The following RAD51B variants were observed in gnomAD, a reference collection of about 807,000 sequenced individuals.
The protein encoded by RAD51B is DNA repair protein RAD51 homolog 2.
In RAD51B, 38 loss-of-function variants were observed where a neutral mutation model predicts 42.2. The observed-to-expected ratio is 0.90, with a 90% CI of 0.70 to 1.18. The LOEUF is 1.18. Among genes scored for constraint, RAD51B ranks in the 50% most tolerant of loss-of-function variants. The pLI is 0.00. For missense variants in RAD51B, 373 were observed against 400.7 expected (o/e 0.93, Z 0.59); for synonymous variants, 154 against 145.2 (o/e 1.06, Z -0.43).
intron 7 of RAD51B, among the ~76,000 whole-genome samples, chr14:68,200,925 G>T (rs1045133100): frequency 2.0e-5 from 3 of 152,082 alleles, no homozygotes; most frequent in African/African-American, 7.2e-5. Flanking sequence ...CCCAAAGTGG[G>T]ATTACAGGTG....
At chr14:67,987,958 T>C (rs1394624728) in intron 7 of RAD51B, among the ~76,000 whole-genome samples, 1 of 152,218 alleles carries the variant, frequency 6.6e-6, no homozygotes, top group Admixed American at 6.5e-5. Context: ...TTCTTGGTTC[T>C]TTCTTTTTGA....
At chr14:68,558,513 C>T (rs1267103584) in intron 10 of RAD51B, among the ~76,000 whole-genome samples, 1 of 152,172 alleles carries the variant, frequency 6.6e-6, no homozygotes, top group Non-Finnish European at 1.5e-5. Flanking sequence ...GGGGAAGGGT[C>T]CTTCCTTGCC....
chr14:67,842,174 G>T (rs559820862), intron 4 of RAD51B, among the ~76,000 whole-genome samples: 2 of 152,138 alleles, frequency 1.3e-5, no homozygotes, highest in East Asian at 3.9e-4. Flanking sequence ...TTGTATTCTT[G>T]ACTTGGCTCT....
At chr14:68,578,068 A>C (rs1890042739) in intron 10 of RAD51B, among the ~76,000 whole-genome samples, 1 of 152,288 alleles carries the variant, frequency 6.6e-6, no homozygotes, top group East Asian at 1.9e-4. Flanking sequence ...CCTATGCAAC[A>C]CTATGTGGCA....
At chr14:68,512,850 C>T (rs1374590030) in intron 10 of RAD51B, among the ~76,000 whole-genome samples, 1 of 151,972 alleles carries the variant, frequency 6.6e-6, no homozygotes. Flanking sequence ...ATTTTACACA[C>T]AGTGGGGTCA....
chr14:68,066,334 T>A (rs2076649743), intron 7 of RAD51B, among the ~76,000 whole-genome samples: 1 of 152,184 alleles, frequency 6.6e-6, no homozygotes, highest in Admixed American at 6.5e-5. Context: ...AAAAAGATTC[T>A]GATTTAGTTT....
At position 67,829,392 on chromosome 14, in the gene RAD51B, A is replaced by T. The variant is rs553210012; in HGVS notation, c.198+3815A>T. Among the ~76,000 whole-genome samples, 3 of 151,534 alleles carry T rather than the reference A, an allele frequency of 2.0e-5. No individual in the cohort carries two copies. The East Asian group carries it at 5.8e-4, about 29-fold the overall frequency. On this transcript the variant is annotated intron_variant, in intron 3 of 10. Coordinates refer to ENST00000471583, the MANE Select transcript of RAD51B (RefSeq NM_133510.4). ...CAAGTAGCTGGGACTACAGATGCCCACCTCCACGCCTGGCTAAGTTTTTGT... is the reference window on the plus strand; with the variant it reads ...CAAGTAGCTGGGACTACAGATGCCCTCCTCCACGCCTGGCTAAGTTTTTGT...
At chr14:68,391,134 T>TTTTTCTTTC (rs1388376049) in intron 8 of RAD51B, among the ~76,000 whole-genome samples, 4 of 109,146 alleles carry the variant, frequency 3.7e-5, no homozygotes, top group Admixed American at 9.1e-5. Flanking sequence ...TTTATGAGAC[T>TTTTTCTTTC]TGTCTTTCTT....
At chr14:68,110,187 G>A (rs1214110161) in intron 7 of RAD51B, among the ~76,000 whole-genome samples, 4 of 151,978 alleles carry the variant, frequency 2.6e-5, no homozygotes, top group African/African-American at 9.7e-5. Context: ...ACAGCTGTCT[G>A]CAAGGGACAG....
At chr14:68,625,812 A>G (rs935425273) in intron 10 of RAD51B, among the ~76,000 whole-genome samples, 1 of 152,040 alleles carries the variant, frequency 6.6e-6, no homozygotes, top group Non-Finnish European at 1.5e-5. Context: ...TCTCATCCAC[A>G]CAGTTTTAGC....
At chr14:68,244,312 G>A (rs2080450394) in intron 7 of RAD51B, among the ~76,000 whole-genome samples, 2 of 152,164 alleles carry the variant, frequency 1.3e-5, no homozygotes. Flanking sequence ...GCTTTTTCCT[G>A]TATTTGGGAG....
intron 7 of RAD51B, among the ~76,000 whole-genome samples, chr14:68,199,727 G>A (rs954156429): frequency 1.3e-5 from 2 of 152,220 alleles, no homozygotes; most frequent in Non-Finnish European, 2.9e-5. Flanking sequence ...CCTCTAGGGA[G>A]GGCCTGGGTC....
chr14:68,027,594 T>C (rs2075974948), intron 7 of RAD51B, among the ~76,000 whole-genome samples: 1 of 152,358 alleles, frequency 6.6e-6, no homozygotes, highest in East Asian at 1.9e-4. Context: ...CTTCGAGTTC[T>C]GGGATTCTTT....
chr14:68,232,297 G>A (rs963960781), intron 7 of RAD51B, among the ~76,000 whole-genome samples: 2 of 152,112 alleles, frequency 1.3e-5, no homozygotes, highest in African/African-American at 4.8e-5. Flanking sequence ...AGGAGCAGTG[G>A]CAAGTGATAC....
intron 4 of RAD51B, among the ~76,000 whole-genome samples, chr14:67,837,700 A>T (rs1410196683): frequency 3.9e-5 from 6 of 152,206 alleles, no homozygotes; most frequent in African/African-American, 1.4e-4. Context: ...TATGGGGTAC[A>T]GTGTGATATT....
chr14:67,962,150 CG>C (rs1414651948), intron 7 of RAD51B, among the ~76,000 whole-genome samples: 1 of 151,992 alleles, frequency 6.6e-6, no homozygotes, highest in African/African-American at 2.4e-5. Context: ...GGAGTGAAAG[CG>C]TGGAATAATC....
intron 8 of RAD51B, among the ~76,000 whole-genome samples, chr14:68,394,704 C>T (rs2083861884): frequency 6.6e-6 from 1 of 152,226 alleles, no homozygotes; most frequent in Admixed American, 6.5e-5. Flanking sequence ...AGACAGGGCT[C>T]CCCCAGTGGG....
At chr14:68,177,575 T>C (rs541689015) in intron 7 of RAD51B, among the ~76,000 whole-genome samples, 5 of 152,128 alleles carry the variant, frequency 3.3e-5, no homozygotes, top group African/African-American at 1.2e-4. Context: ...GGAGAAAATA[T>C]ATAAAAGCAA....
At chr14:67,855,922 A>G (rs776136267) in intron 4 of RAD51B, among the ~76,000 whole-genome samples, 22 of 152,232 alleles carry the variant, frequency 1.4e-4, no homozygotes, top group Non-Finnish European at 2.6e-4. Context: ...GCAGATAACT[A>G]GGCCTCTGTT....
Sources: allele counts gnomAD v4.1 joint callset (sites outside exome capture counted in the v4.1 genomes callset), GRCh38; gene constraint gnomAD v4.1.1; transcripts MANE v1.5; gene names NCBI Gene and HGNC (gene_info 2026-07-23, HGNC 2026-07-21).